Variants in HACE1 observed in about 807,000 individuals in gnomAD.
HACE1 encodes the protein E3 ubiquitin-protein ligase HACE1.
In HACE1, 73 loss-of-function variants were observed where a neutral mutation model predicts 118.4. The ratio of observed to expected loss-of-function variants is 0.62; its 90% CI spans 0.51 to 0.75. HACE1 has a LOEUF of 0.75. HACE1 is among the 30% of genes least tolerant of loss of function. The pLI is 0.00. For synonymous variants in HACE1, 368 were observed against 374.8 expected, an observed-to-expected ratio of 0.98 and a Z score of 0.21; for missense variants, 749 against 1,102.2, an observed-to-expected ratio of 0.68 and a Z score of 4.54.
chr6:104,849,773 C>G (rs181890498), intron 3 of HACE1, among the ~76,000 whole-genome samples: 4 of 151,796 alleles, frequency 2.6e-5, no homozygotes, highest in Non-Finnish European at 4.4e-5. Flanking sequence ...CTCAGCCTCC[C>G]GAGTAGCTGG....
chr6:104,730,795 G>T, intron 22 of HACE1: 1 of 213,236 alleles, frequency 4.7e-6, no homozygotes, highest in Non-Finnish European at 9.6e-6. Context: ...CAAAATGCCT[G>T]GAGTAGACAT....
At chr6:104,812,336 C>A (rs1418338866) in intron 6 of HACE1, among the ~76,000 whole-genome samples, 1 of 152,000 alleles carries the variant, frequency 6.6e-6, no homozygotes, top group Non-Finnish European at 1.5e-5. Context: ...GGCCTAGCTA[C>A]TCAGGAGGCT....
intron 22 of HACE1, among the ~76,000 whole-genome samples, chr6:104,738,252 G>C (rs1355013227): frequency 6.6e-6 from 1 of 152,236 alleles, no homozygotes; most frequent in African/African-American, 2.4e-5. Flanking sequence ...ACTCTAAAAA[G>C]CAGAGTGCCT....
chr6:104,757,987 A>G (rs988663273), intron 19 of HACE1, among the ~76,000 whole-genome samples: 1 of 152,186 alleles, frequency 6.6e-6, no homozygotes, highest in African/African-American at 2.4e-5. Flanking sequence ...TGAAAAGACA[A>G]GATTAGAGAA....
chr6:104,857,343 T>C (rs77954569), intron 1 of HACE1, among the ~76,000 whole-genome samples: 2,873 of 151,612 alleles, frequency 0.019, 45 homozygotes, highest in Non-Finnish European at 0.03. Flanking sequence ...GAAAAGCAAA[T>C]GCAAACGATG....
At chr6:104,802,306 A>G (rs1235259997) in intron 7 of HACE1, among the ~76,000 whole-genome samples, 2 of 152,198 alleles carry the variant, frequency 1.3e-5, no homozygotes, top group East Asian at 3.9e-4. Flanking sequence ...TAGACAGATC[A>G]ACATGACAGA....
intron 7 of HACE1, among the ~76,000 whole-genome samples, chr6:104,799,805 G>A (rs1582531625): frequency 1.3e-5 from 2 of 152,174 alleles, no homozygotes; most frequent in East Asian, 3.9e-4. Context: ...GCAGCTCCTA[G>A]CATGACTGAC....
chr6:104,740,680 C>A (rs1776564792), intron 22 of HACE1, among the ~76,000 whole-genome samples: 2 of 147,750 alleles, frequency 1.4e-5, no homozygotes, highest in South Asian at 4.4e-4. Context: ...AGCTTACCAA[C>A]CAAAAAGAGT....
At chr6:104,773,919 T>A (rs1780900491) in intron 17 of HACE1, among the ~76,000 whole-genome samples, 1 of 152,000 alleles carries the variant, frequency 6.6e-6, no homozygotes, top group Non-Finnish European at 1.5e-5. Context: ...ACTATTTTCA[T>A]GCTCTCAGAA....
At chr6:104,846,288 TGAGCTCA>T (rs1216480788) in intron 4 of HACE1, among the ~76,000 whole-genome samples, 1 of 152,222 alleles carries the variant, frequency 6.6e-6, no homozygotes, top group East Asian at 1.9e-4. Context: ...CTACCCTTTA[TGAGCTCA>T]TAATCACCTA....
In HACE1 at chr6:104,771,176, A is replaced by C; in HGVS notation, c.2211+17T>G. On this transcript the variant is annotated intron_variant, in intron 19 of 23. Transcript: ENST00000262903. ...CAAGTTACAAACAATGGTTAAGGTA[A>C]AAACTGAAATACTCACTTTATTATT... The C allele has an allele frequency of 1.3e-6, 2 of 1,574,432 alleles. No homozygotes were observed. The highest frequency in any genetic ancestry group is 1.7e-6 in the Non-Finnish European group (2 of 1,143,762).
chr6:104,807,092 C>T (rs1582574655), intron 7 of HACE1, among the ~76,000 whole-genome samples: 2 of 149,034 alleles, frequency 1.3e-5, no homozygotes, highest in East Asian at 2.0e-4. Context: ...GGTGCAATCT[C>T]GGCTCACTGC....
intron 19 of HACE1, among the ~76,000 whole-genome samples, chr6:104,756,430 T>A (rs201516687): frequency 0.032 from 3,654 of 114,422 alleles, 61 homozygotes; most frequent in Admixed American, 0.06. Flanking sequence ...AAAAAAAATA[T>A]ATATATATAT....
intron 14 of HACE1, among the ~76,000 whole-genome samples, chr6:104,781,880 G>A (rs959660694): frequency 6.6e-6 from 1 of 152,098 alleles, no homozygotes; most frequent in African/African-American, 2.4e-5. Flanking sequence ...CCCTAGTCAG[G>A]CAACAAACAC....
At chr6:104,805,445 C>G (rs1018052895) in intron 7 of HACE1, among the ~76,000 whole-genome samples, 8 of 152,074 alleles carry the variant, frequency 5.3e-5, no homozygotes, top group Admixed American at 1.3e-4. Context: ...CAAAGACTTG[C>G]AACCAACCCA....
In HACE1 at chr6:104,776,749, G is replaced by C; in HGVS notation, c.1856C>G (p.Ser619Ter). 6.3e-7 allele frequency: 1 copy of C among 1,590,880 alleles called. No homozygotes were observed. The highest frequency in any genetic ancestry group is 8.6e-7 in the Non-Finnish European group (1 of 1,158,694). Reference protein sequence around the residue: ...VNPDYALFTQSADGTTFQPNS... With the variant: ...VNPDYALFTQ ...TAGACTGTACAACTTACCATCAGCT[G>C]ACTGGGTAAACAATGCATAATCAGG... The change falls in exon 17 of 24, where the codon TCA (serine) becomes TGA (stop). Residue 619 changes from serine to a stop codon, truncating the protein, a stop_gained. Transcript: ENST00000262903. LOFTEE classifies it high-confidence loss of function.
Position 104,744,762 on chromosome 6 carries a change from ACATGAGAGAGAATC to A in HACE1, c.2344-166_2344-153del. On this transcript the variant is annotated intron_variant, in intron 20 of 23. Coordinates refer to ENST00000262903, the MANE Select transcript of HACE1 (RefSeq NM_020771.4). The stretch of plus-strand genomic sequence containing the variant: ...CTGCATGTCATCAACAACAAGCATT[ACATGAGAGAGAATC>A]CTTGACGCTGATAATCTCAAATATT... 7 of 626,134 alleles carry A rather than the reference ACATGAGAGAGAATC, an allele frequency of 1.1e-5. No homozygotes were observed. The South Asian group carries it at 1.3e-4, about 12-fold the overall frequency. 38.8% of individuals were successfully genotyped at this position (626,134 alleles called of 1,614,324 possible). A position where few individuals can be genotyped will look rare whatever the true frequency, so the allele number is the denominator to read the frequency against.
rs1467262621 is a variant in HACE1 at position 104,833,232 on chromosome 6, GATAA to G, written c.403-63_403-60del. On this transcript the variant is annotated intron_variant, in intron 5 of 23. Coordinates refer to ENST00000262903, the MANE Select transcript of HACE1 (RefSeq NM_020771.4). ...AATAGTGTTTTATATAAAAACAGCA[GATAA>G]ATAATGTTATTTCTCAGCTGGGCGT... 14 of 1,436,568 alleles carry G rather than the reference GATAA, an allele frequency of 9.7e-6. No homozygotes were observed. In the Middle Eastern group the frequency reaches 8.7e-4, roughly 90 times the overall value. The allele number at this position is 1,436,568 out of a possible 1,614,324, so 89.0% of individuals were successfully genotyped here.
At chr6:104,737,606 C>T (rs1562256808) in intron 22 of HACE1, among the ~76,000 whole-genome samples, 1 of 152,210 alleles carries the variant, frequency 6.6e-6, no homozygotes, top group Non-Finnish European at 1.5e-5. Flanking sequence ...CACCCGAATA[C>T]TGCGCTTTTC....
Sources: gnomAD v4.1 joint callset for allele counts (sites outside exome capture counted in the v4.1 genomes callset) on GRCh38, gnomAD v4.1.1 for gene constraint, MANE v1.5 for transcripts, NCBI Gene and HGNC (gene_info 2026-07-23, HGNC 2026-07-21) for gene names.